Variants in BTLA observed in about 807,000 individuals in gnomAD.
BTLA encodes the protein B- and T-lymphocyte attenuator.
In BTLA, 11 loss-of-function variants were observed where a neutral mutation model predicts 25.0. That is an observed-to-expected ratio of 0.44 (90% confidence interval 0.28 to 0.73). The LOEUF is 0.73. Among genes scored for constraint, BTLA ranks in the 30% least tolerant of loss-of-function variants. BTLA has a pLI of 0.15. For missense variants in BTLA, 282 were observed against 332.8 expected, an observed-to-expected ratio of 0.85 and a Z score of 1.19; for synonymous variants, 104 against 119.8, an observed-to-expected ratio of 0.87 and a Z score of 0.86.
rs372124971 is a variant in BTLA at position 112,499,368 on chromosome 3, A to T, written c.-10T>A. On this transcript the variant is annotated 5_prime_UTR_variant, in exon 1 of 5. The change abolishes an upstream ATG in the 5' untranslated region. Coordinates refer to ENST00000334529, the MANE Select transcript of BTLA (RefSeq NM_181780.4). The stretch of plus-strand genomic sequence containing the variant: ...CAGGCAATGTCTTCATTTCCTGCAC[A>T]TATCAGTGATGGAAAAACTGCTCAA... The T allele has an allele frequency of 4.8e-5, 78 of 1,612,094 alleles. No homozygotes were observed. The highest frequency in any genetic ancestry group is 6.1e-5 in the Non-Finnish European group (72 of 1,178,898).
intron 3 of BTLA, among the ~76,000 whole-genome samples, chr3:112,470,713 A>G (rs1488613354): frequency 6.6e-6 from 1 of 152,198 alleles, no homozygotes; most frequent in African/African-American, 2.4e-5. Context: ...GGTCAAGCAT[A>G]TGTTTATAAT....
At chr3:112,472,627 G>A (rs1371918097) in intron 2 of BTLA, among the ~76,000 whole-genome samples, 1 of 152,142 alleles carries the variant, frequency 6.6e-6, no homozygotes, top group Non-Finnish European at 1.5e-5. Flanking sequence ...TCGGTAGGTG[G>A]AGACTTCGGT....
intron 3 of BTLA, 57 bp downstream of exon 3, chr3:112,471,155 G>A: frequency 6.5e-7 from 1 of 1,546,534 alleles, no homozygotes; most frequent in South Asian, 1.2e-5. Context: ...TTTAGCCCCA[G>A]AAATAAGAAT....
At chr3:112,493,647 G>A (rs551770037) in intron 1 of BTLA, among the ~76,000 whole-genome samples, 18 of 152,266 alleles carry the variant, frequency 1.2e-4, no homozygotes, top group Admixed American at 3.3e-4. Flanking sequence ...TCTTACAGGC[G>A]TGTCCCACCA....
intron 2 of BTLA, among the ~76,000 whole-genome samples, chr3:112,475,881 G>A (rs964159589): frequency 3.3e-5 from 5 of 151,592 alleles, no homozygotes; most frequent in African/African-American, 9.7e-5. Flanking sequence ...CCTTATTTTT[G>A]TAATTTATTT....
At chr3:112,476,793 A>T (rs186404946) in intron 2 of BTLA, among the ~76,000 whole-genome samples, 1 of 152,320 alleles carries the variant, frequency 6.6e-6, no homozygotes, top group East Asian at 1.9e-4. Flanking sequence ...GATTCAGAAC[A>T]TATTTATCAC....
chr3:112,470,403 G>A (rs2082255876), intron 3 of BTLA: 1 of 152,266 alleles, frequency 6.6e-6, no homozygotes, highest in Admixed American at 6.6e-5. Flanking sequence ...TTATTCCTGT[G>A]TCACACAGAA....
At chr3:112,498,415 G>A (rs944244963) in intron 1 of BTLA, among the ~76,000 whole-genome samples, 51 of 151,834 alleles carry the variant, frequency 3.4e-4, no homozygotes, top group Non-Finnish European at 6.8e-4. Flanking sequence ...CCTGGGTGAC[G>A]AGAGCAAAAC....
chr3:112,498,824 T>G (rs751492789), intron 1 of BTLA, among the ~76,000 whole-genome samples: 1 of 152,080 alleles, frequency 6.6e-6, no homozygotes, highest in Non-Finnish European at 1.5e-5. Context: ...TATTTGAGGG[T>G]AACCATGGAG....
chr3:112,491,238 C>A (rs375772530), intron 1 of BTLA, among the ~76,000 whole-genome samples: 33 of 152,236 alleles, frequency 2.2e-4, no homozygotes, highest in African/African-American at 7.9e-4. Flanking sequence ...TAGGAGATCA[C>A]CTCTAGAATC....
chr3:112,493,471 G>A (rs984096942), intron 1 of BTLA, among the ~76,000 whole-genome samples: 1 of 151,846 alleles, frequency 6.6e-6, no homozygotes, highest in South Asian at 2.1e-4. Flanking sequence ...ACAAACAACC[G>A]CATCAAAAAG....
chr3:112,471,904 A>T (rs150043701), intron 2 of BTLA, among the ~76,000 whole-genome samples: 27 of 152,338 alleles, frequency 1.8e-4, no homozygotes, highest in Admixed American at 3.3e-4. Flanking sequence ...GCTAATGCGC[A>T]TTACTATTGA....
intron 2 of BTLA, among the ~76,000 whole-genome samples, chr3:112,475,249 G>A (rs1195467591): frequency 1.3e-5 from 2 of 152,154 alleles, no homozygotes; most frequent in African/African-American, 2.4e-5. Context: ...ATAAGGAAGG[G>A]AGTGATAGGA....
chr3:112,495,213 C>T (rs556725377), intron 1 of BTLA, among the ~76,000 whole-genome samples: 12 of 152,288 alleles, frequency 7.9e-5, no homozygotes, highest in African/African-American at 2.9e-4. Context: ...AAATGGCAGA[C>T]ATAGGATACT....
intron 1 of BTLA, among the ~76,000 whole-genome samples, chr3:112,488,094 T>C (rs185191222): frequency 1.3e-5 from 2 of 152,270 alleles, no homozygotes; most frequent in East Asian, 3.9e-4. Flanking sequence ...CTGCCTTAAT[T>C]TGGATCTCAT....
intron 4 of BTLA, among the ~76,000 whole-genome samples, chr3:112,468,880 G>A (rs2082244658): frequency 6.6e-6 from 1 of 152,140 alleles, no homozygotes; most frequent in African/African-American, 2.4e-5. Flanking sequence ...GCTTGGTGGG[G>A]AATGTTGAAT....
chr3:112,499,097 CTAATTTGG>C (rs1303715838), intron 1 of BTLA, among the ~76,000 whole-genome samples, 166 bp downstream of exon 1: 1 of 152,174 alleles, frequency 6.6e-6, no homozygotes, highest in Non-Finnish European at 1.5e-5. Flanking sequence ...ATACTATGTT[CTAATTTGG>C]TTTATGCTCT....
Position 112,466,074 on chromosome 3 carries a change from C to A in BTLA, c.*34G>T. The stretch of plus-strand genomic sequence containing the variant: ...CAGACAATGATGTCAACATGCTGAT[C>A]ATTCAATGGTCCCTGTTGGAGTCAG... On this transcript the variant is annotated 3_prime_UTR_variant, in exon 5 of 5. Transcript: ENST00000334529. 1 of 1,519,026 alleles carries A rather than the reference C, an allele frequency of 6.6e-7. No homozygotes were observed. Among genetic ancestry groups the A allele is most frequent in the South Asian group, 1.3e-5 (1 of 74,626 alleles). The allele number at this position is 1,519,026 out of a possible 1,614,324, so 94.1% of individuals were successfully genotyped here. A position where few individuals can be genotyped will look rare whatever the true frequency, so the allele number is the denominator to read the frequency against.
At chr3:112,479,947 TA>T (rs1180969169) in intron 1 of BTLA, among the ~76,000 whole-genome samples, 178 bp from the exon 2 acceptor site, 2 of 152,202 alleles carry the variant, frequency 1.3e-5, no homozygotes, top group Non-Finnish European at 2.9e-5. Context: ...TAAATATGTT[TA>T]AAAAATGAAA....
Sources: gnomAD v4.1 joint callset for allele counts (sites outside exome capture counted in the v4.1 genomes callset) on GRCh38, gnomAD v4.1.1 for gene constraint, MANE v1.5 for transcripts, NCBI Gene and HGNC (gene_info 2026-07-23, HGNC 2026-07-21) for gene names.